CHST9: variants seen among roughly 807,000 people sequenced by gnomAD.
The protein encoded by CHST9 is GalNAc-4-sulfotransferase 2.
Under a neutral mutation model 44.4 loss-of-function variants are expected in CHST9, and 41 were observed. That is an observed-to-expected ratio of 0.92 (90% CI 0.72 to 1.20). The LOEUF is 1.20. CHST9 is among the 50% of genes most tolerant of loss of function. The pLI, the probability that CHST9 is intolerant of heterozygous loss-of-function variation, is 0.00. For missense variants in CHST9, 504 were observed against 516.5 expected (o/e 0.98, Z 0.23); for synonymous variants, 171 against 178.4 (o/e 0.96, Z 0.33).
At chr18:27,107,543 G>T (rs1378241851) in intron 2 of CHST9, among the ~76,000 whole-genome samples, 1 of 152,154 alleles carries the variant, frequency 6.6e-6, no homozygotes, top group Admixed American at 6.6e-5. Context: ...TGACATGCAG[G>T]CTTAGGTAAT....
At chr18:27,041,165 A>C (rs2057440507) in intron 3 of CHST9, among the ~76,000 whole-genome samples, 1 of 152,142 alleles carries the variant, frequency 6.6e-6, no homozygotes, top group Non-Finnish European at 1.5e-5. Context: ...CAATTTTGTC[A>C]AGACCTGCTT....
chr18:27,022,253 T>C (rs916029145), intron 4 of CHST9, among the ~76,000 whole-genome samples: 2 of 152,168 alleles, frequency 1.3e-5, no homozygotes, highest in Non-Finnish European at 2.9e-5. Context: ...CACAGTATAG[T>C]GGCAAGAAAA....
At chr18:27,115,803 A>G (rs1364212843) in intron 2 of CHST9, among the ~76,000 whole-genome samples, 2 of 152,174 alleles carry the variant, frequency 1.3e-5, no homozygotes, top group Non-Finnish European at 2.9e-5. Flanking sequence ...GTGAGCCACC[A>G]TGTCCAGCCC....
At chr18:27,036,278 A>G (rs2057389695) in intron 3 of CHST9, among the ~76,000 whole-genome samples, 2 of 152,238 alleles carry the variant, frequency 1.3e-5, no homozygotes, top group African/African-American at 4.8e-5. Flanking sequence ...CTGGACTTCC[A>G]CCTCTCCTTT....
In CHST9 at chr18:27,024,375, A is replaced by C. The variant is rs531165031; in HGVS notation, c.161-218T>G. Among the ~76,000 whole-genome samples the C allele has an allele frequency of 5.9e-5, 9 of 152,252 alleles. No individual in the cohort carries two copies. In the East Asian group the frequency reaches 1.3e-3, roughly 23 times the overall value. On this transcript the variant is annotated intron_variant, in intron 3 of 5. Transcript: ENST00000618847. ...ATTAGGAAACCTGGCATTACCATGA[A>C]AATTTGGTATAGAAAAGCCTGGGCT...
chr18:27,053,149 G>GAAGAAGAAC (rs2057593010), intron 2 of CHST9, among the ~76,000 whole-genome samples: 1 of 139,118 alleles, frequency 7.2e-6, no homozygotes, highest in African/African-American at 2.7e-5. Flanking sequence ...AGAAGAAGAA[G>GAAGAAGAAC]AAGAAGAAGA....
At chr18:27,144,936 A>G (rs114408318) in intron 1 of CHST9, among the ~76,000 whole-genome samples, 1,712 of 152,172 alleles carry the variant, frequency 0.011, 28 homozygotes, top group African/African-American at 0.036. Context: ...GTGAGCTGTG[A>G]CTGTGCCAAT....
intron 5 of CHST9, among the ~76,000 whole-genome samples, chr18:26,931,951 C>T (rs189496172): frequency 3.9e-5 from 6 of 152,098 alleles, no homozygotes; most frequent in Admixed American, 3.9e-4. Flanking sequence ...ACTACCTAAC[C>T]CATGCTTTCC....
intron 4 of CHST9, among the ~76,000 whole-genome samples, chr18:26,945,902 T>C (rs2056155056): frequency 6.6e-6 from 1 of 152,116 alleles, no homozygotes; most frequent in African/African-American, 2.4e-5. Flanking sequence ...CAACCAATAA[T>C]AAGTATACTT....
At chr18:27,165,000 C>T (rs767385903) in intron 1 of CHST9, among the ~76,000 whole-genome samples, 4 of 151,906 alleles carry the variant, frequency 2.6e-5, no homozygotes, top group East Asian at 1.9e-4. Flanking sequence ...GTTAGATGAG[C>T]GGAAGAAATG....
chr18:27,023,895 A>ACTT (rs2057253423), intron 4 of CHST9, among the ~76,000 whole-genome samples: 1 of 152,176 alleles, frequency 6.6e-6, no homozygotes, highest in Non-Finnish European at 1.5e-5. Context: ...TTCCTTTGTA[A>ACTT]ATCCCTTGAG....
intron 3 of CHST9, among the ~76,000 whole-genome samples, chr18:27,040,310 G>A (rs2057431171): frequency 6.6e-6 from 1 of 152,062 alleles, no homozygotes; most frequent in Admixed American, 6.6e-5. Context: ...GGTCCAAATG[G>A]AAGCCAAGAT....
intron 2 of CHST9, among the ~76,000 whole-genome samples, chr18:27,068,792 C>T (rs2057809146): frequency 6.6e-6 from 1 of 152,192 alleles, no homozygotes; most frequent in African/African-American, 2.4e-5. Context: ...TTCCAGGCCC[C>T]TTTCACAAAT....
At chr18:27,039,092 T>C (rs2143524243) in intron 3 of CHST9, among the ~76,000 whole-genome samples, 1 of 152,324 alleles carries the variant, frequency 6.6e-6, no homozygotes. Flanking sequence ...TGGAGAGTCT[T>C]ACAAATTTAC....
intron 2 of CHST9, among the ~76,000 whole-genome samples, chr18:27,095,363 T>C (rs1402285758): frequency 6.6e-6 from 1 of 152,156 alleles, no homozygotes; most frequent in Admixed American, 6.5e-5. Flanking sequence ...CTGCAGAACC[T>C]ATAAGGCAAC....
chr18:26,983,018 T>C (rs1433978476), intron 4 of CHST9, among the ~76,000 whole-genome samples: 1 of 151,910 alleles, frequency 6.6e-6, no homozygotes, highest in Non-Finnish European at 1.5e-5. Context: ...TGACCATCTG[T>C]GTAAGGAGAG....
chr18:27,094,030 C>T (rs1404966890), intron 2 of CHST9, among the ~76,000 whole-genome samples: 3 of 152,066 alleles, frequency 2.0e-5, no homozygotes, highest in Admixed American at 1.3e-4. Flanking sequence ...GCAAATTTTA[C>T]GTTAAATATC....
chr18:27,174,376 C>T (rs1004302574), intron 1 of CHST9, among the ~76,000 whole-genome samples: 1 of 152,028 alleles, frequency 6.6e-6, no homozygotes, highest in African/African-American at 2.4e-5. Flanking sequence ...TCAGGTTAAA[C>T]ATTTTTAGCA....
rs1363176757 is a variant in CHST9, at chr18:26,936,364, G to T, written c.240+7965C>A. 3 of 150,480 alleles carry T rather than the reference G, an allele frequency of 2.0e-5. 1 individual carries two copies. The highest frequency in any genetic ancestry group is 2.0e-4 in the Admixed American group (3 of 15,150). 9.3% of individuals were successfully genotyped at this position (150,480 alleles called of 1,614,324 possible). A position where few individuals can be genotyped will look rare whatever the true frequency, so the allele number is the denominator to read the frequency against. On this transcript the variant is annotated intron_variant, in intron 5 of 5. Transcript: ENST00000618847. ...ATAGCATGGATAAAATGGTTTAAAGGTAGCCAAAAAAAAAACAAAACATTG... is the reference window on the plus strand; with the variant it reads ...ATAGCATGGATAAAATGGTTTAAAGTTAGCCAAAAAAAAAACAAAACATTG...
Sources: gnomAD v4.1 joint callset for allele counts (sites outside exome capture counted in the v4.1 genomes callset) on GRCh38, gnomAD v4.1.1 for gene constraint, MANE v1.5 for transcripts, NCBI Gene and HGNC (gene_info 2026-07-23, HGNC 2026-07-21) for gene names.